Variants in PKD2 observed in about 807,000 individuals in gnomAD.
PKD2 encodes polycystin 2, transient receptor potential cation channel.
In PKD2, 48 loss-of-function variants were observed where a neutral mutation model predicts 105.9. That is an observed-to-expected ratio of 0.45 (90% CI 0.36 to 0.58). The LOEUF (loss-of-function observed/expected upper bound fraction) is 0.58, where lower values mean the gene tolerates loss of function less well. PKD2 is among the 20% of genes least tolerant of loss of function. PKD2 has a pLI of 0.00. For missense variants in PKD2, 1,078 were observed against 1,255.3 expected, an observed-to-expected ratio of 0.86 and a Z score of 2.13; for synonymous variants, 464 against 481.1, an observed-to-expected ratio of 0.96 and a Z score of 0.46.
intron 1 of PKD2, among the ~76,000 whole-genome samples, chr4:88,013,224 G>GT (rs1726445315): frequency 6.6e-6 from 1 of 152,146 alleles, no homozygotes; most frequent in Non-Finnish European, 1.5e-5. Flanking sequence ...TGGGGTTGTG[G>GT]TAAGGTTGTG....
At chr4:88,053,318 A>C (rs903163927) in intron 7 of PKD2, among the ~76,000 whole-genome samples, 1 of 152,100 alleles carries the variant, frequency 6.6e-6, no homozygotes, top group Non-Finnish European at 1.5e-5. Context: ...CCCGTTATGT[A>C]CTTTTCTGAG....
Position 88,038,470 on chromosome 4 carries a change from A to G in PKD2, c.1063A>G (p.Arg355Gly). The part of the protein sequence containing the change: ...YDVYSVSSED[R>G]APFGPRNGTA... ...TGTCTACTCTGTCAGTAGTGAAGAT[A>G]GGGCTCCCTTTGGGCCCCGAAATGG... Residue 355 changes from arginine (R) to glycine (G), a missense_variant, in exon 4 of 15, where the codon AGG (arginine) becomes GGG (glycine). This residue lies in a region of PKD2 where 868 missense variants were observed against 1,067.3 expected (regional missense o/e 0.81). Coordinates refer to ENST00000237596, the MANE Select transcript of PKD2 (RefSeq NM_000297.4). 1 of 1,613,908 alleles carries G rather than the reference A, an allele frequency of 6.2e-7. No individual in the cohort carries two copies. The highest frequency in any genetic ancestry group is 2.2e-5 in the East Asian group (1 of 44,888).
At chr4:88,009,124 T>A (rs1726302914) in intron 1 of PKD2, among the ~76,000 whole-genome samples, 1 of 152,176 alleles carries the variant, frequency 6.6e-6, no homozygotes, top group Non-Finnish European at 1.5e-5. Flanking sequence ...TGCGCCCAGC[T>A]CTACAAAAGG....
intron 13 of PKD2, 63 bp from the exon 14 acceptor site, chr4:88,074,749 G>C: frequency 1.3e-6 from 2 of 1,571,410 alleles, no homozygotes; most frequent in South Asian, 1.1e-5. Flanking sequence ...CTTTTGAAAA[G>C]CCAGTGGGGC....
rs930446792 is a variant in PKD2 at position 88,015,951 on chromosome 4, C to A, written c.596-3507C>A. Among the ~76,000 whole-genome samples the A allele has an allele frequency of 2.6e-5, 4 of 152,182 alleles. No individual in the cohort carries two copies. The East Asian group carries it at 7.7e-4, about 29-fold the overall frequency. On this transcript the variant is annotated intron_variant, in intron 1 of 14. Coordinates refer to ENST00000237596, the MANE Select transcript of PKD2 (RefSeq NM_000297.4). ...GGCTTCATGGAAGACAATTTTTCCACAGACCTGGGGTAGGAAGTGTTTGGG... is the reference window on the plus strand; with the variant it reads ...GGCTTCATGGAAGACAATTTTTCCAAAGACCTGGGGTAGGAAGTGTTTGGG...
chr4:88,046,400 T>C (rs1270827451), intron 5 of PKD2, among the ~76,000 whole-genome samples: 5 of 151,858 alleles, frequency 3.3e-5, no homozygotes, highest in South Asian at 4.2e-4. Flanking sequence ...TAGGGAAGAC[T>C]GAGCAGGAAG....
At chr4:88,074,728 C>T (rs1721166780) in intron 13 of PKD2, 84 bp from the exon 14 acceptor site, 2 of 1,434,064 alleles carry the variant, frequency 1.4e-6, no homozygotes, top group Admixed American at 1.7e-5. Context: ...AGAAAAAAAT[C>T]TTAGCACTTC....
chr4:88,051,458 C>T lies in PKD2; in HGVS notation c.1549-533C>T, dbSNP rs537350513. Among the ~76,000 whole-genome samples the T allele has an allele frequency of 5.3e-5, 8 of 152,304 alleles. No individual in the cohort carries two copies. The South Asian group carries it at 1.4e-3, about 28-fold the overall frequency. ...ATGCAGTTTACTTCTGTTTATTCCT[C>T]TTAGCCCTTGCACAGTGCTGTATAC... On this transcript the variant is annotated intron_variant, in intron 6 of 14. Coordinates refer to ENST00000237596, the MANE Select transcript of PKD2 (RefSeq NM_000297.4).
intron 2 of PKD2, among the ~76,000 whole-genome samples, chr4:88,033,616 G>A (rs1727235876): frequency 6.6e-6 from 1 of 151,866 alleles, no homozygotes. Context: ...AGTGCTCTAG[G>A]AAAATAAAGA....
intron 12 of PKD2, among the ~76,000 whole-genome samples, chr4:88,067,596 A>C (rs1036950716): frequency 6.6e-6 from 1 of 152,160 alleles, no homozygotes; most frequent in Non-Finnish European, 1.5e-5. Flanking sequence ...TCAGCCTCCC[A>C]AAGTATTAGG....
chr4:88,072,601 C>T (rs549860136), intron 13 of PKD2, among the ~76,000 whole-genome samples: 4 of 152,194 alleles, frequency 2.6e-5, no homozygotes, highest in Non-Finnish European at 5.9e-5. Flanking sequence ...AGTCACTGGG[C>T]TCAGATGGCA....
chr4:88,014,624 G>A (rs1394813431), intron 1 of PKD2, among the ~76,000 whole-genome samples: 1 of 152,172 alleles, frequency 6.6e-6, no homozygotes, highest in Non-Finnish European at 1.5e-5. Flanking sequence ...GTGAATACTA[G>A]GAAGGATTGT....
chr4:88,074,766 GAC>G, intron 13 of PKD2, 44 bp from the exon 14 acceptor site: 5 of 1,610,510 alleles, frequency 3.1e-6, no homozygotes, highest in Non-Finnish European at 4.2e-6. Flanking sequence ...GGGCTGAAAA[GAC>G]AATGACAAGC....
rs886059693 is a variant in PKD2 at position 88,007,670 on chromosome 4, C to T, written c.-64C>T. The T allele has an allele frequency of 1.4e-5, 15 of 1,058,648 alleles. 1 individual carries two copies. In the South Asian group the frequency reaches 4.4e-4, roughly 31 times the overall value. 65.6% of individuals were successfully genotyped at this position (1,058,648 alleles called of 1,614,324 possible). A position where few individuals can be genotyped will look rare whatever the true frequency, so the allele number is the denominator to read the frequency against. On this transcript the variant is annotated 5_prime_UTR_variant, in exon 1 of 15. Transcript: ENST00000237596. ...GGGCGCCGGGAAGAAAGGAACATGGCTCCTGAGGCGCACAGCGCCGAGCGC... is the reference window on the plus strand; with the variant it reads ...GGGCGCCGGGAAGAAAGGAACATGGTTCCTGAGGCGCACAGCGCCGAGCGC...
At chr4:88,017,288 T>TCATACATA (rs768391118) in intron 1 of PKD2, among the ~76,000 whole-genome samples, 4 of 152,018 alleles carry the variant, frequency 2.6e-5, no homozygotes. Context: ...ATAAATAAAT[T>TCATACATA]CATACATACA....
intron 10 of PKD2, 81 bp downstream of exon 10, chr4:88,062,085 A>C (rs1720597654): frequency 3.9e-6 from 3 of 762,202 alleles, no homozygotes; most frequent in Non-Finnish European, 7.2e-6. Flanking sequence ...TCAAATCAAC[A>C]TTGATCCATT....
chr4:88,028,349 G>T (rs754141592), intron 2 of PKD2, among the ~76,000 whole-genome samples: 1 of 152,184 alleles, frequency 6.6e-6, no homozygotes, highest in African/African-American at 2.4e-5. Context: ...GCAGCTGCAG[G>T]CTAATTCCAT....
chr4:88,077,673 T>G lies in PKD2; in HGVS notation c.*1979T>G, dbSNP rs569486806. 1.1e-4 allele frequency: 17 copies of G among 152,318 alleles called. No individual in the cohort carries two copies. Among genetic ancestry groups the G allele is most frequent in the African/African-American group, 3.4e-4 (14 of 41,566 alleles). The allele number at this position is 152,318 out of a possible 1,614,324, so 9.4% of individuals were successfully genotyped here. On this transcript the variant is annotated 3_prime_UTR_variant, in exon 15 of 15. Coordinates refer to ENST00000237596, the MANE Select transcript of PKD2 (RefSeq NM_000297.4). ...ATTATCTTTCCCTGTGTACTGGTAT[T>G]ATTAAAAAGACATTACATACGCAAG...
chr4:88,032,268 A>G (rs756636101), intron 2 of PKD2, among the ~76,000 whole-genome samples: 3 of 152,000 alleles, frequency 2.0e-5, no homozygotes, highest in Non-Finnish European at 2.9e-5. Context: ...TTTGTTTTCA[A>G]TATTTGAACC....
Sources: gnomAD v4.1 joint callset for allele counts (sites outside exome capture counted in the v4.1 genomes callset) on GRCh38, gnomAD v4.1.1 for gene constraint, gnomAD v4.1.1 regional missense constraint, MANE v1.5 for transcripts, NCBI Gene and HGNC (gene_info 2026-07-23, HGNC 2026-07-21) for gene names.